The following DYNC1I1 variants were observed in gnomAD, a reference collection of about 807,000 sequenced individuals.
DYNC1I1 encodes the protein cytoplasmic dynein 1 intermediate chain 1.
DYNC1I1 carries 43 observed loss-of-function variants against 86.6 expected under a neutral mutation model. The ratio of observed to expected loss-of-function variants is 0.50; its 90% CI spans 0.39 to 0.64. DYNC1I1 has a LOEUF of 0.64. Ranked by LOEUF, DYNC1I1 falls within the 30% of genes least tolerant of loss-of-function variation. The pLI, the probability that DYNC1I1 is intolerant of heterozygous loss-of-function variation, is 0.00. For synonymous variants in DYNC1I1, 262 were observed against 283.7 expected (o/e 0.92, Z 0.77); for missense variants, 604 against 788.8 (o/e 0.77, Z 2.81).
chr7:95,917,243 TCGGTAGCGAGAAG>T (rs1419412372), intron 6 of DYNC1I1, among the ~76,000 whole-genome samples: 1 of 152,130 alleles, frequency 6.6e-6, no homozygotes, highest in Non-Finnish European at 1.5e-5. Flanking sequence ...GTCCGTGGCT[TCGGTAGCGAGAAG>T]CGGGTGGGAG....
At chr7:95,960,232 G>A (rs536170903) in intron 6 of DYNC1I1, among the ~76,000 whole-genome samples, 8 of 151,950 alleles carry the variant, frequency 5.3e-5, no homozygotes, top group African/African-American at 1.4e-4. Flanking sequence ...TCAGCCTCCC[G>A]AGTAGCTGGG....
chr7:95,919,317 A>G (rs982561982), intron 6 of DYNC1I1, among the ~76,000 whole-genome samples: 3 of 152,166 alleles, frequency 2.0e-5, no homozygotes, highest in African/African-American at 7.2e-5. Context: ...GAAGAAAGTT[A>G]TTTCTGGGTT....
intron 16 of DYNC1I1, among the ~76,000 whole-genome samples, chr7:96,094,552 A>C (rs1790944081): frequency 6.6e-6 from 1 of 152,168 alleles, no homozygotes; most frequent in Non-Finnish European, 1.5e-5. Context: ...GTTTGTTAGG[A>C]CACCTGTTTG....
intron 1 of DYNC1I1, among the ~76,000 whole-genome samples, chr7:95,777,879 TA>T (rs1562888195): frequency 6.6e-6 from 1 of 152,206 alleles, no homozygotes; most frequent in Non-Finnish European, 1.5e-5. Flanking sequence ...AAGAATTTTT[TA>T]AAAATTCTGC....
At chr7:95,904,921 C>T (rs1754005344) in intron 6 of DYNC1I1, among the ~76,000 whole-genome samples, 1 of 152,186 alleles carries the variant, frequency 6.6e-6, no homozygotes, top group Non-Finnish European at 1.5e-5. Context: ...TGTCACATCT[C>T]TGTTCAAAGT....
At chr7:95,903,252 G>A (rs2116316271) in intron 6 of DYNC1I1, among the ~76,000 whole-genome samples, 1 of 152,322 alleles carries the variant, frequency 6.6e-6, no homozygotes, top group South Asian at 2.1e-4. Context: ...CCTTCTCCTA[G>A]TTTTTACATC....
At chr7:95,985,023 G>C (rs1584226055) in intron 8 of DYNC1I1, 46 bp downstream of exon 8, 2 of 1,590,350 alleles carry the variant, frequency 1.3e-6, no homozygotes, top group Non-Finnish European at 1.7e-6. Flanking sequence ...TAAGTTATCT[G>C]TTAATTCTAA....
chr7:96,088,158 G>C (rs1790739866), intron 16 of DYNC1I1, among the ~76,000 whole-genome samples: 1 of 152,010 alleles, frequency 6.6e-6, no homozygotes, highest in Non-Finnish European at 1.5e-5. Flanking sequence ...GGTAGCATTA[G>C]TATATGAAAA....
intron 10 of DYNC1I1, among the ~76,000 whole-genome samples, chr7:96,017,261 A>T (rs1288315933): frequency 6.6e-6 from 1 of 152,208 alleles, no homozygotes; most frequent in Non-Finnish European, 1.5e-5. Context: ...GCTTTTTAAC[A>T]TACAAAGGCA....
At chr7:95,996,338 G>A (rs183405532) in intron 10 of DYNC1I1, among the ~76,000 whole-genome samples, 3 of 152,220 alleles carry the variant, frequency 2.0e-5, no homozygotes, top group Admixed American at 6.5e-5. Context: ...TAAAGACCTC[G>A]CACTTATGAA....
intron 5 of DYNC1I1, among the ~76,000 whole-genome samples, chr7:95,866,053 C>G (rs888642696): frequency 2.0e-5 from 3 of 152,140 alleles, no homozygotes; most frequent in African/African-American, 7.2e-5. Context: ...AGTCTGCAGC[C>G]TAACTAGAAG....
rs949761935 is a variant in DYNC1I1 at position 95,818,448 on chromosome 7, C to T, written c.314+5111C>T. ...TCCTGCATAGCTAGGAGTACAGTTG[C>T]ATACCACCACACCCAGCTGATTTAA... On this transcript the variant is annotated intron_variant, in intron 4 of 16. Transcript: ENST00000447467. 237 of 656,972 alleles carry T rather than the reference C, an allele frequency of 3.6e-4. 1 individual carries two copies. Among genetic ancestry groups the T allele is most frequent in the Non-Finnish European group, 8.0e-5 (29 of 362,676 alleles). The allele number at this position is 656,972 out of a possible 1,614,324, so 40.7% of individuals were successfully genotyped here.
At chr7:95,980,004 G>T (rs1378813275) in intron 7 of DYNC1I1, among the ~76,000 whole-genome samples, 1 of 151,972 alleles carries the variant, frequency 6.6e-6, no homozygotes, top group African/African-American at 2.4e-5. Flanking sequence ...AAGGAGCCAG[G>T]GTATATTTTG....
intron 16 of DYNC1I1, among the ~76,000 whole-genome samples, chr7:96,107,812 C>T (rs1481879852): frequency 6.6e-6 from 1 of 151,928 alleles, no homozygotes; most frequent in Admixed American, 6.6e-5. Context: ...AGGCGTGAGC[C>T]ACCACGCCCG....
chr7:95,860,106 C>T lies in DYNC1I1; in HGVS notation c.375-9777C>T, dbSNP rs946724870. Among the ~76,000 whole-genome samples the T allele has an allele frequency of 2.6e-4, 39 of 152,224 alleles. 1 individual carries two copies. Among genetic ancestry groups the T allele is most frequent in the Admixed American group, 2.4e-3 (36 of 15,278 alleles). ...TGCACGGTTATTCAAATTAATGTTT[C>T]TCTGGGAGGACAATTGCTGGAGAGT... On this transcript the variant is annotated intron_variant, in intron 5 of 16. Transcript: ENST00000447467.
At chr7:95,800,740 C>A (rs1794556615) in intron 1 of DYNC1I1, among the ~76,000 whole-genome samples, 1 of 152,184 alleles carries the variant, frequency 6.6e-6, no homozygotes, top group African/African-American at 2.4e-5. Flanking sequence ...AATGAGAGAG[C>A]AGTTTTTTAT....
intron 3 of DYNC1I1, among the ~76,000 whole-genome samples, chr7:95,812,286 T>G (rs1794847896): frequency 6.6e-6 from 1 of 152,184 alleles, no homozygotes; most frequent in African/African-American, 2.4e-5. Flanking sequence ...TCCATATGGC[T>G]TCTCTGGCAT....
rs764465292 is a variant in DYNC1I1 at position 96,039,371 on chromosome 7, C to T, written c.1459C>T (p.Leu487=). The change falls in exon 14 of 17, where the codon CTG becomes TTG. Residue 487 remains leucine (L), a synonymous_variant. Transcript: ENST00000447467. ...MAVGPIDFSH[L]FVTSSFDWTV... ...AGTGGGCCCAATCGACTTTTCTCACCTGTTTGTCACATCATCATTTGACTG... is the reference window on the plus strand; with the variant it reads ...AGTGGGCCCAATCGACTTTTCTCACTTGTTTGTCACATCATCATTTGACTG... 3 of 1,614,080 alleles carry T rather than the reference C, an allele frequency of 1.9e-6. No homozygotes were observed. The highest frequency in any genetic ancestry group is 3.3e-5 in the Admixed American group (2 of 60,008).
intron 6 of DYNC1I1, among the ~76,000 whole-genome samples, chr7:95,912,754 C>T (rs1379014103): frequency 6.6e-6 from 1 of 152,132 alleles, no homozygotes; most frequent in Non-Finnish European, 1.5e-5. Flanking sequence ...TAGCACCAGC[C>T]CTGGTCAAGG....
Sources: gnomAD v4.1 joint callset for allele counts (sites outside exome capture counted in the v4.1 genomes callset) on GRCh38, gnomAD v4.1.1 for gene constraint, MANE v1.5 for transcripts, NCBI Gene and HGNC (gene_info 2026-07-23, HGNC 2026-07-21) for gene names.